The following PAX5 variants were observed in gnomAD, a reference collection of about 807,000 sequenced individuals.
PAX5 encodes paired box 5.
In PAX5, 9 loss-of-function variants were observed where a neutral mutation model predicts 43.7. The ratio of observed to expected loss-of-function variants is 0.21; its 90% CI spans 0.12 to 0.36. The LOEUF is 0.36. Ranked by LOEUF, PAX5 falls within the 10% of genes least tolerant of loss-of-function variation. PAX5 has a pLI of 1.00. For synonymous variants in PAX5, 228 were observed against 214.3 expected (o/e 1.06, Z -0.56); for missense variants, 383 against 532.7 (o/e 0.72, Z 2.77).
At chr9:36,911,900 G>T (rs1266007855) in intron 7 of PAX5, among the ~76,000 whole-genome samples, 2 of 152,206 alleles carry the variant, frequency 1.3e-5, no homozygotes, top group African/African-American at 4.8e-5. Flanking sequence ...CCCTTGAGAC[G>T]CCCCAGGTCT....
intron 6 of PAX5, among the ~76,000 whole-genome samples, chr9:36,936,975 G>A (rs891344441): frequency 3.3e-5 from 5 of 152,162 alleles, no homozygotes; most frequent in African/African-American, 1.2e-4. Flanking sequence ...GCCTCAGGAG[G>A]GAGTGCCCTC....
chr9:36,895,808 T>C (rs557319339), intron 7 of PAX5, among the ~76,000 whole-genome samples: 2 of 152,288 alleles, frequency 1.3e-5, no homozygotes, highest in East Asian at 3.9e-4. Context: ...CAAGTTCCAC[T>C]GGGCAAAAAG....
At chr9:36,989,985 G>C (rs1165321485) in intron 5 of PAX5, among the ~76,000 whole-genome samples, 1 of 152,180 alleles carries the variant, frequency 6.6e-6, no homozygotes, top group Non-Finnish European at 1.5e-5. Flanking sequence ...TGAACAGGCA[G>C]GTTCTGTGTG....
At chr9:37,031,902 AC>A (rs1395648961) in intron 1 of PAX5, among the ~76,000 whole-genome samples, 1 of 152,238 alleles carries the variant, frequency 6.6e-6, no homozygotes, top group African/African-American at 2.4e-5. Flanking sequence ...CCCATGAAAT[AC>A]CCAGAAGTTG....
intron 5 of PAX5, among the ~76,000 whole-genome samples, chr9:36,984,275 G>A (rs1363883741): frequency 6.6e-6 from 1 of 152,080 alleles, no homozygotes; most frequent in East Asian, 1.9e-4. Context: ...AGACTGGGGT[G>A]AGGTGTAGGG....
At chr9:36,925,952 A>C (rs1194427884) in intron 6 of PAX5, among the ~76,000 whole-genome samples, 1 of 152,176 alleles carries the variant, frequency 6.6e-6, no homozygotes, top group African/African-American at 2.4e-5. Context: ...GAACAATAAC[A>C]ACCACAGTCT....
At chr9:36,873,686 T>G (rs1468234137) in intron 8 of PAX5, among the ~76,000 whole-genome samples, 1 of 152,130 alleles carries the variant, frequency 6.6e-6, no homozygotes, top group Non-Finnish European at 1.5e-5. Context: ...GTCACGGAGG[T>G]GCCTGGAGAG....
intron 8 of PAX5, among the ~76,000 whole-genome samples, chr9:36,880,019 G>T (rs1357765829): frequency 1.3e-5 from 2 of 152,244 alleles, no homozygotes; most frequent in African/African-American, 4.8e-5. Flanking sequence ...CGTTTCCCAT[G>T]TGTCTCATAT....
chr9:36,984,871 A>C (rs1836264549), intron 5 of PAX5, among the ~76,000 whole-genome samples: 1 of 152,212 alleles, frequency 6.6e-6, no homozygotes, highest in East Asian at 1.9e-4. Flanking sequence ...CTGAGGGTAG[A>C]GGGCAATTTT....
chr9:36,963,565 G>A (rs898936394), intron 6 of PAX5, among the ~76,000 whole-genome samples: 1 of 152,212 alleles, frequency 6.6e-6, no homozygotes, highest in African/African-American at 2.4e-5. Flanking sequence ...CACTGTGCCT[G>A]GCTCCCAGCC....
chr9:37,032,445 T>G (rs1841076752), intron 1 of PAX5, among the ~76,000 whole-genome samples: 1 of 152,178 alleles, frequency 6.6e-6, no homozygotes, highest in African/African-American at 2.4e-5. Flanking sequence ...AAGGGCCTTC[T>G]GAGAATTGAG....
At chr9:36,983,922 T>C (rs1429360012) in intron 5 of PAX5, among the ~76,000 whole-genome samples, 2 of 152,158 alleles carry the variant, frequency 1.3e-5, no homozygotes, top group Admixed American at 6.5e-5. Flanking sequence ...CAGACCACCT[T>C]TGAGGGACAG....
At position 36,842,590 on chromosome 9, in the gene PAX5, C is replaced by A. The variant is rs1383010649; in HGVS notation, c.1100-1954G>T. Among the ~76,000 whole-genome samples, 4 of 152,346 alleles carry A rather than the reference C, an allele frequency of 2.6e-5. No individual in the cohort carries two copies. The South Asian group carries it at 6.2e-4, about 24-fold the overall frequency. On this transcript the variant is annotated intron_variant, in intron 9 of 9. Coordinates refer to ENST00000358127, the MANE Select transcript of PAX5 (RefSeq NM_016734.3). ...CAAAGCACTCTGTCTTCCTGGCGCCCATTAAACCTCCATCTAGAATAAACT... is the reference window on the plus strand; with the variant it reads ...CAAAGCACTCTGTCTTCCTGGCGCCAATTAAACCTCCATCTAGAATAAACT...
At chr9:37,005,761 TC>T (rs1222309276) in intron 4 of PAX5, among the ~76,000 whole-genome samples, 1 of 152,200 alleles carries the variant, frequency 6.6e-6, no homozygotes, top group African/African-American at 2.4e-5. Context: ...CAATAACTTT[TC>T]CCCCAGCTAA....
intron 6 of PAX5, among the ~76,000 whole-genome samples, chr9:36,935,805 A>G (rs571396985): frequency 1.3e-5 from 2 of 152,290 alleles, no homozygotes; most frequent in African/African-American, 4.8e-5. Flanking sequence ...CTCCGGTGTG[A>G]GAAAGTGCTA....
chr9:36,986,373 G>A (rs1836419049), intron 5 of PAX5, among the ~76,000 whole-genome samples: 1 of 148,132 alleles, frequency 6.8e-6, no homozygotes, highest in Admixed American at 6.7e-5. Flanking sequence ...CGCGCCGGCG[G>A]GGGCAGCGCC....
chr9:37,022,662 C>T (rs1839955365), intron 1 of PAX5, among the ~76,000 whole-genome samples: 1 of 152,172 alleles, frequency 6.6e-6, no homozygotes, highest in Admixed American at 6.5e-5. Flanking sequence ...ACTTAAATTC[C>T]AAAAGCAGTC....
chr9:37,015,330 CTTTTGAACA>C lies in PAX5; in HGVS notation c.213-145_213-137del. The stretch of plus-strand genomic sequence containing the variant: ...TACAGTAGCCACCAGCCAGATGCGG[CTTTTGAACA>C]TTTGAAATATGGCTAGTCTGAATCA... On this transcript the variant is annotated intron_variant, in intron 2 of 9. Coordinates refer to ENST00000358127, the MANE Select transcript of PAX5 (RefSeq NM_016734.3). The surrounding 1 kb of genome is among the most constrained non-coding windows in gnomAD (Gnocchi z 4.4). The C allele has an allele frequency of 2.9e-6, 2 of 685,868 alleles. No individual in the cohort carries two copies. Among genetic ancestry groups the C allele is most frequent in the South Asian group, 4.1e-5 (2 of 49,366 alleles). 42.5% of individuals were successfully genotyped at this position (685,868 alleles called of 1,614,324 possible).
intron 1 of PAX5, among the ~76,000 whole-genome samples, chr9:37,027,741 C>T (rs1321908701): frequency 1.3e-5 from 2 of 152,192 alleles, no homozygotes; most frequent in Non-Finnish European, 2.9e-5. Context: ...CGGGCGGGGG[C>T]GGGGCGGGGG....
Sources: gnomAD v4.1 joint callset for allele counts (sites outside exome capture counted in the v4.1 genomes callset) on GRCh38, gnomAD v4.1.1 for gene constraint, Gnocchi (gnomAD v3.1) non-coding constraint, MANE v1.5 for transcripts, NCBI Gene and HGNC (gene_info 2026-07-23, HGNC 2026-07-21) for gene names.